Variants in SPHKAP observed in about 807,000 individuals in gnomAD.
SPHKAP encodes SPHK1 interactor, AKAP domain containing, also known as A-kinase anchor protein SPHKAP.
A neutral mutation model predicts 137.5 loss-of-function variants in SPHKAP; 67 were observed. The ratio of observed to expected loss-of-function variants is 0.49; its 90% CI spans 0.40 to 0.60. The LOEUF (loss-of-function observed/expected upper bound fraction) is 0.60. Among genes scored for constraint, SPHKAP ranks in the 20% least tolerant of loss-of-function variants. The probability of loss-of-function intolerance (pLI) is 0.00; values close to 1 mark genes in which losing one functional copy is unlikely to be tolerated. For missense variants in SPHKAP, 2,097 were observed against 2,069.3 expected (o/e 1.01, Z -0.26); for synonymous variants, 813 against 785.3 (o/e 1.04, Z -0.59).
chr2:228,015,181 T>C (rs1433197640), intron 7 of SPHKAP, among the ~76,000 whole-genome samples: 1 of 151,708 alleles, frequency 6.6e-6, no homozygotes, highest in African/African-American at 2.4e-5. Context: ...TTTGGTTTTT[T>C]GTCCTTGCGA....
intron 2 of SPHKAP, among the ~76,000 whole-genome samples, chr2:228,115,213 C>T (rs1323340878): frequency 6.6e-6 from 1 of 152,078 alleles, no homozygotes; most frequent in Non-Finnish European, 1.5e-5. Flanking sequence ...AATTAATTAC[C>T]ACCTGGAGGG....
At chr2:228,000,818 T>C (rs980845640) in intron 7 of SPHKAP, among the ~76,000 whole-genome samples, 1 of 152,204 alleles carries the variant, frequency 6.6e-6, no homozygotes, top group Non-Finnish European at 1.5e-5. Flanking sequence ...TTCTAAGTTT[T>C]GGCAATTCTA....
chr2:228,124,832 C>T (rs1429100709), intron 2 of SPHKAP, among the ~76,000 whole-genome samples: 1 of 152,178 alleles, frequency 6.6e-6, no homozygotes, highest in African/African-American at 2.4e-5. Context: ...TCATTAATTA[C>T]ATCTTATCAA....
At chr2:228,091,357 G>T (rs1574840463) in intron 3 of SPHKAP, among the ~76,000 whole-genome samples, 1 of 152,200 alleles carries the variant, frequency 6.6e-6, no homozygotes, top group East Asian at 1.9e-4. Flanking sequence ...ATTGGCTTAG[G>T]CAAAGACCTC....
rs376978488 is a variant in SPHKAP at position 227,995,519 on chromosome 2, G to A, written c.4624C>T (p.Arg1542Ter). The A allele has an allele frequency of 5.0e-6, 8 of 1,613,974 alleles. No homozygotes were observed. Among genetic ancestry groups the A allele is most frequent in the East Asian group, 2.2e-5 (1 of 44,870 alleles). The change falls in exon 8 of 12, where the codon CGA becomes TGA. Residue 1542 changes from arginine (R) to a stop codon, truncating the protein, a stop_gained. Transcript: ENST00000392056. LOFTEE classifies it high-confidence loss of function. ...DTSSFLQLSE[R>*]SMSNGNSSAT... Reference sequence around the variant, plus strand: ...GGGAAGAGCAGGTACCTCATGGATCGCTCACTGAGCTGGAGAAAGCTACTT... The same window carrying A: ...GGGAAGAGCAGGTACCTCATGGATCACTCACTGAGCTGGAGAAAGCTACTT...
intron 3 of SPHKAP, among the ~76,000 whole-genome samples, chr2:228,063,567 G>T (rs558378878): frequency 6.6e-6 from 1 of 152,260 alleles, no homozygotes; most frequent in East Asian, 1.9e-4. Flanking sequence ...TTAAAAAGTT[G>T]TAACTGGACA....
intron 3 of SPHKAP, among the ~76,000 whole-genome samples, chr2:228,045,312 A>T (rs1346295950): frequency 6.9e-6 from 1 of 144,314 alleles, no homozygotes; most frequent in South Asian, 2.4e-4. Flanking sequence ...TGTTTATTGC[A>T]GCACTATTCA....
intron 3 of SPHKAP, among the ~76,000 whole-genome samples, chr2:228,030,640 G>A (rs1277855137): frequency 6.8e-6 from 1 of 147,464 alleles, no homozygotes; most frequent in Non-Finnish European, 1.5e-5. Flanking sequence ...AAGAAAGCTA[G>A]AACTTAAAAG....
chr2:228,009,952 C>G (rs1439520995), intron 7 of SPHKAP, among the ~76,000 whole-genome samples: 1 of 152,178 alleles, frequency 6.6e-6, no homozygotes, highest in Non-Finnish European at 1.5e-5. Context: ...GGGGCTGTAC[C>G]TATAGATTCA....
At chr2:228,073,729 A>G (rs905736943) in intron 3 of SPHKAP, among the ~76,000 whole-genome samples, 3 of 152,356 alleles carry the variant, frequency 2.0e-5, no homozygotes, top group East Asian at 3.9e-4. Context: ...CCACTGTTAC[A>G]TGGTCACTCC....
intron 3 of SPHKAP, among the ~76,000 whole-genome samples, chr2:228,079,950 C>T (rs1697307416): frequency 6.6e-6 from 1 of 152,158 alleles, no homozygotes; most frequent in African/African-American, 2.4e-5. Context: ...TGAAATTAGA[C>T]CCTTATCTCA....
chr2:228,176,637 G>A (rs1435285935), intron 1 of SPHKAP, among the ~76,000 whole-genome samples: 1 of 152,218 alleles, frequency 6.6e-6, no homozygotes, highest in South Asian at 2.1e-4. Flanking sequence ...CACTTCGGGA[G>A]GCCAGGGCAG....
Position 228,145,910 on chromosome 2 carries a change from C to G in SPHKAP, c.33-13825G>C, listed in dbSNP as rs56068528. Among the ~76,000 whole-genome samples, 661 of 152,258 alleles carry G rather than the reference C, an allele frequency of 4.3e-3. 3 individuals are homozygous for G. Among genetic ancestry groups the G allele is most frequent in the Admixed American group, 7.3e-3 (111 of 15,282 alleles). On this transcript the variant is annotated intron_variant, in intron 1 of 11. Coordinates refer to ENST00000392056, the MANE Select transcript of SPHKAP (RefSeq NM_001142644.2). ...AGTAATTGGCAAACTCGGGACCCCT[C>G]TAAAGTGTGGCTTGTGGGCCTACTC...
chr2:228,143,342 G>A (rs1272875064), intron 1 of SPHKAP, among the ~76,000 whole-genome samples: 1 of 152,090 alleles, frequency 6.6e-6, no homozygotes, highest in East Asian at 1.9e-4. Flanking sequence ...AGGAGTTCAA[G>A]ACCAGTCTGG....
chr2:228,017,512 G>T lies in SPHKAP; in HGVS notation c.3342C>A (p.Ser1114Arg), dbSNP rs752563447. 3 of 1,613,290 alleles carry T rather than the reference G, an allele frequency of 1.9e-6. No individual in the cohort carries two copies. The East Asian group carries it at 6.7e-5, about 36-fold the overall frequency. The change falls in exon 7 of 12, where the codon AGC (serine) becomes AGA (arginine). Residue 1114 changes from serine to arginine, a missense_variant. Transcript: ENST00000392056. ...CACAGCTCGACTGCTTGGAGACAGA[G>T]CTGGCCCTGCTGACCGGCTGGCTCA... Reference protein sequence around the residue: ...STLSQPVSRASSVSKQSSCES... With the variant: ...STLSQPVSRARSVSKQSSCES...
chr2:228,180,547 G>C (rs1700875794), intron 1 of SPHKAP, among the ~76,000 whole-genome samples: 1 of 152,114 alleles, frequency 6.6e-6, no homozygotes, highest in African/African-American at 2.4e-5. Context: ...CTACCTGCTT[G>C]GGGAAAAGAG....
intron 3 of SPHKAP, among the ~76,000 whole-genome samples, chr2:228,065,552 C>G (rs1696797003): frequency 6.6e-6 from 1 of 152,148 alleles, no homozygotes; most frequent in Non-Finnish European, 1.5e-5. Context: ...AGAGTAATCT[C>G]TAAAAGAAGA....
chr2:228,131,335 G>A, intron 2 of SPHKAP: 1 of 982,564 alleles, frequency 1.0e-6, no homozygotes, highest in Non-Finnish European at 1.2e-6. Flanking sequence ...GCAGCAAACA[G>A]TGACAAAAGC....
At position 227,993,831 on chromosome 2, in the gene SPHKAP, A is replaced by C. The variant is rs531266883; in HGVS notation, c.4635-211T>G. Among the ~76,000 whole-genome samples the C allele has an allele frequency of 4.0e-4, 61 of 152,232 alleles. 1 individual carries two copies. The South Asian group carries it at 0.012, about 30-fold the overall frequency. The stretch of plus-strand genomic sequence containing the variant: ...CTAACCAGCTCAGCAGATAATAATA[A>C]TACTACTAATAATTTGTGAATAATA... On this transcript the variant is annotated intron_variant, in intron 8 of 11. Transcript: ENST00000392056.
Sources: gnomAD v4.1 joint callset for allele counts (sites outside exome capture counted in the v4.1 genomes callset) on GRCh38, gnomAD v4.1.1 for gene constraint, MANE v1.5 for transcripts, NCBI Gene and HGNC (gene_info 2026-07-23, HGNC 2026-07-21) for gene names.